The following SLC35F1 variants were observed in gnomAD, a reference collection of about 807,000 sequenced individuals.
The protein encoded by SLC35F1 is chromosome 6 open reading frame 169.
A neutral mutation model predicts 48.7 loss-of-function variants in SLC35F1; 14 were observed. The ratio of observed to expected loss-of-function variants is 0.29; its 90% confidence interval spans 0.19 to 0.45. The LOEUF (loss-of-function observed/expected upper bound fraction) is 0.45. SLC35F1 is among the 20% of genes least tolerant of loss of function. SLC35F1 has a pLI of 1.00. For synonymous variants in SLC35F1, 190 were observed against 202.2 expected (o/e 0.94, Z 0.51); for missense variants, 404 against 500.0 (o/e 0.81, Z 1.83).
chr6:118,006,944 T>C (rs998536929), intron 1 of SLC35F1, among the ~76,000 whole-genome samples: 7 of 152,112 alleles, frequency 4.6e-5, no homozygotes, highest in African/African-American at 1.7e-4. Context: ...AAGAAATATG[T>C]TCACCATTTT....
intron 1 of SLC35F1, among the ~76,000 whole-genome samples, chr6:118,050,771 T>C (rs1049469133): frequency 7.2e-5 from 11 of 152,080 alleles, no homozygotes; most frequent in Admixed American, 1.3e-4. Flanking sequence ...TTAAGGAACT[T>C]GACCTTCATC....
intron 1 of SLC35F1, among the ~76,000 whole-genome samples, chr6:118,120,295 ATG>A (rs1238458522): frequency 6.6e-6 from 1 of 152,204 alleles, no homozygotes; most frequent in Non-Finnish European, 1.5e-5. Flanking sequence ...CCACTTTTGC[ATG>A]AATACCATGT....
intron 2 of SLC35F1, among the ~76,000 whole-genome samples, chr6:118,181,617 A>C (rs1189256571): frequency 1.3e-5 from 2 of 152,120 alleles, no homozygotes; most frequent in Non-Finnish European, 2.9e-5. Flanking sequence ...ATCAGTATCA[A>C]TGTCAATGCA....
At chr6:117,934,762 C>A (rs568048084) in intron 1 of SLC35F1, among the ~76,000 whole-genome samples, 1 of 152,090 alleles carries the variant, frequency 6.6e-6, no homozygotes, top group African/African-American at 2.4e-5. Context: ...TTTTACTCAA[C>A]GGTAAGATAC....
intron 7 of SLC35F1, among the ~76,000 whole-genome samples, chr6:118,308,489 C>A (rs190203728): frequency 1.1e-4 from 17 of 152,294 alleles, no homozygotes; most frequent in African/African-American, 3.9e-4. Flanking sequence ...TGCTACATAA[C>A]CTTGAGAATG....
chr6:118,209,502 A>AAAATATTTTT (rs1435230354), intron 2 of SLC35F1, among the ~76,000 whole-genome samples: 5 of 152,296 alleles, frequency 3.3e-5, no homozygotes, highest in African/African-American at 1.2e-4. Flanking sequence ...AGGCCTTTCT[A>AAAATATTTTT]AAAATACTTT....
intron 1 of SLC35F1, among the ~76,000 whole-genome samples, chr6:117,977,768 T>C (rs1464775588): frequency 6.6e-6 from 1 of 152,160 alleles, no homozygotes; most frequent in Non-Finnish European, 1.5e-5. Context: ...TTAAATCTAT[T>C]AAATACTTTT....
At chr6:118,242,931 C>T (rs187395103) in intron 3 of SLC35F1, among the ~76,000 whole-genome samples, 1 of 152,286 alleles carries the variant, frequency 6.6e-6, no homozygotes, top group Admixed American at 6.5e-5. Context: ...TTTCACAGCT[C>T]TTCAGATTCT....
In SLC35F1 at chr6:118,282,353, C is replaced by T. The variant is rs560657564; in HGVS notation, c.848-2831C>T. ...ACAGTATATTCACATGCAAAAACAT[C>T]GGTTGACCTAGTTGTCAATTGTGAT... On this transcript the variant is annotated intron_variant, in intron 6 of 7. Transcript: ENST00000360388. Among the ~76,000 whole-genome samples the T allele has an allele frequency of 3.7e-4, 56 of 152,306 alleles. 2 individuals carry two copies. The South Asian group carries it at 0.011, about 30-fold the overall frequency.
At chr6:117,982,175 A>G (rs759518088) in intron 1 of SLC35F1, among the ~76,000 whole-genome samples, 48 of 152,062 alleles carry the variant, frequency 3.2e-4, no homozygotes, top group Non-Finnish European at 6.5e-4. Context: ...GCCTTTCTTT[A>G]TTTCTTTTTA....
Position 118,286,478 on chromosome 6 carries a change from C to T in SLC35F1, c.1002+1140C>T, listed in dbSNP as rs548085179. 2.4e-4 allele frequency among the ~76,000 whole-genome samples: 37 copies of T among 152,166 alleles called. No individual in the cohort carries two copies. In the South Asian group the frequency reaches 7.3e-3, roughly 30 times the overall value. ...GAAGCAAAAGTCATAGCCAAGAAAC[C>T]GATGCAGAAGGGCAGACACGGGTGA... On this transcript the variant is annotated intron_variant, in intron 7 of 7. Transcript: ENST00000360388.
intron 1 of SLC35F1, among the ~76,000 whole-genome samples, chr6:118,054,786 T>TA (rs1582641122): frequency 3.3e-4 from 2 of 6,044 alleles, no homozygotes; most frequent in East Asian, 0.056. Context: ...TTCTTTTCTT[T>TA]CTTTTTTTTT....
rs536894604 is a variant in SLC35F1, at chr6:118,266,092, G to A, written c.478-903G>A. On this transcript the variant is annotated intron_variant, in intron 3 of 7. Transcript: ENST00000360388. Reference sequence around the variant, plus strand: ...TTCATGCTGATCTTTGGGGAAAGTTGTTATCTTCATTTTACTAACAGAAAT... The same window carrying A: ...TTCATGCTGATCTTTGGGGAAAGTTATTATCTTCATTTTACTAACAGAAAT... Among the ~76,000 whole-genome samples the A allele has an allele frequency of 3.3e-5, 5 of 152,254 alleles. No homozygotes were observed. In the South Asian group the frequency reaches 1.0e-3, roughly 32 times the overall value.
At chr6:117,923,037 C>G (rs550072687) in intron 1 of SLC35F1, among the ~76,000 whole-genome samples, 6 of 152,236 alleles carry the variant, frequency 3.9e-5, no homozygotes, top group African/African-American at 7.2e-5. Context: ...ACCAGATTTT[C>G]AGAGGCACAC....
intron 1 of SLC35F1, among the ~76,000 whole-genome samples, chr6:117,972,926 A>G (rs1426361585): frequency 2.0e-5 from 3 of 152,246 alleles, no homozygotes; most frequent in Admixed American, 6.5e-5. Context: ...TACAAGCATT[A>G]TGATAAATGT....
chr6:118,256,207 TGTGTG>T (rs1775641707), intron 3 of SLC35F1, among the ~76,000 whole-genome samples: 1 of 4,018 alleles, frequency 2.5e-4, no homozygotes, highest in South Asian at 0.016. Context: ...AGACTTCTGG[TGTGTG>T]TGTGTGTGTG....
intron 1 of SLC35F1, among the ~76,000 whole-genome samples, chr6:118,121,366 C>G (rs1443143099): frequency 6.6e-6 from 1 of 152,146 alleles, no homozygotes; most frequent in Non-Finnish European, 1.5e-5. Flanking sequence ...TTATACAGCT[C>G]TATCTAATCT....
Position 117,907,644 on chromosome 6 carries a change from C to G in SLC35F1, c.-83C>G, listed in dbSNP as rs1775705937. The G allele has an allele frequency of 1.2e-6, 1 of 816,890 alleles. No individual in the cohort carries two copies. The highest frequency in any genetic ancestry group is 1.8e-5 in the African/African-American group (1 of 55,354). The allele number at this position is 816,890 out of a possible 1,614,324, so 50.6% of individuals were successfully genotyped here. ...CGGGCCGCGGCCGCCCGGCCGGGTC[C>G]TCTGCGCGTTCCCGGGCCCGGAACC... On this transcript the variant is annotated 5_prime_UTR_variant, in exon 1 of 8. Coordinates refer to ENST00000360388, the MANE Select transcript of SLC35F1 (RefSeq NM_001029858.4).
At chr6:118,142,029 A>AAAAC (rs1182530799) in intron 1 of SLC35F1, among the ~76,000 whole-genome samples, 4 of 152,218 alleles carry the variant, frequency 2.6e-5, no homozygotes, top group Non-Finnish European at 4.4e-5. Flanking sequence ...GGCTCCTCCT[A>AAAAC]AAACAGGCTA....
Sources: allele counts gnomAD v4.1 joint callset (sites outside exome capture counted in the v4.1 genomes callset), GRCh38; gene constraint gnomAD v4.1.1; transcripts MANE v1.5; gene names NCBI Gene and HGNC (gene_info 2026-07-23, HGNC 2026-07-21).